The following FMN2 variants were observed in gnomAD, a reference collection of about 807,000 sequenced individuals.
FMN2 encodes formin 2, also known as formin-2.
A neutral mutation model predicts 142.3 loss-of-function variants in FMN2; 51 were observed. The ratio of observed to expected loss-of-function variants is 0.36; its 90% CI spans 0.29 to 0.45. The LOEUF (loss-of-function observed/expected upper bound fraction) is 0.45, where lower values mean the gene tolerates loss of function less well. FMN2 is among the 20% of genes least tolerant of loss of function. FMN2 has a pLI of 1.00. For missense variants in FMN2, 1,936 were observed against 2,122.8 expected, an observed-to-expected ratio of 0.91 and a Z score of 1.73; for synonymous variants, 882 against 869.8, an observed-to-expected ratio of 1.01 and a Z score of -0.25.
chr1:240,114,146 T>C (rs1389789485), intron 1 of FMN2, among the ~76,000 whole-genome samples: 7 of 152,296 alleles, frequency 4.6e-5, no homozygotes, highest in African/African-American at 1.7e-4. Context: ...CACCTACTTT[T>C]TTGTGAAATA....
At chr1:240,409,075 A>G (rs1368619618) in intron 15 of FMN2, among the ~76,000 whole-genome samples, 1 of 152,132 alleles carries the variant, frequency 6.6e-6, no homozygotes, top group Non-Finnish European at 1.5e-5. Context: ...CCGGTGCCCT[A>G]TTTAAGTGGC....
In FMN2 at chr1:240,315,949, C is replaced by T. The variant is rs562549372; in HGVS notation, c.4216-13127C>T. ...GCTGGGAAGTCCCCAGTCCAACACA[C>T]AAAAGGCCATTTCATGCATAACATA... On this transcript the variant is annotated intron_variant, in intron 8 of 17. Transcript: ENST00000319653. 4.1e-4 allele frequency among the ~76,000 whole-genome samples: 63 copies of T among 152,242 alleles called. No homozygotes were observed. In the South Asian group the frequency reaches 0.012, roughly 29 times the overall value.
At chr1:240,299,594 G>A (rs994591561) in intron 8 of FMN2, among the ~76,000 whole-genome samples, 3 of 152,000 alleles carry the variant, frequency 2.0e-5, no homozygotes, top group African/African-American at 4.8e-5. Flanking sequence ...AAATTCAAAC[G>A]GTGACATTCT....
chr1:240,132,692 C>T (rs2103235983), intron 2 of FMN2, among the ~76,000 whole-genome samples: 1 of 152,146 alleles, frequency 6.6e-6, no homozygotes, highest in East Asian at 1.9e-4. Context: ...TGCTGATACC[C>T]CTGGGTGATA....
chr1:240,182,477 GAAAC>G (rs1417497979), intron 3 of FMN2, among the ~76,000 whole-genome samples: 3 of 152,166 alleles, frequency 2.0e-5, no homozygotes, highest in African/African-American at 7.2e-5. Flanking sequence ...AGAAAAGAAA[GAAAC>G]AAAGAACCAT....
intron 2 of FMN2, among the ~76,000 whole-genome samples, chr1:240,141,166 T>A (rs1411481713): frequency 6.6e-6 from 1 of 152,144 alleles, no homozygotes; most frequent in African/African-American, 2.4e-5. Flanking sequence ...GACTTCTGGG[T>A]CAGGTGAATG....
intron 6 of FMN2, among the ~76,000 whole-genome samples, chr1:240,255,182 C>T (rs1558395802): frequency 6.6e-6 from 1 of 152,306 alleles, no homozygotes; most frequent in East Asian, 1.9e-4. Context: ...GCTGAGCAGA[C>T]TGCCCCACTT....
intron 15 of FMN2, among the ~76,000 whole-genome samples, chr1:240,434,556 T>G (rs1048421690): frequency 1.9e-4 from 7 of 36,808 alleles, no homozygotes; most frequent in East Asian, 5.9e-3. Flanking sequence ...TTGTTTTTTG[T>G]TTTTTTTTGT....
chr1:240,472,384 C>T lies in FMN2; in HGVS notation c.5073C>T (p.Ala1691=), dbSNP rs757125774. The T allele has an allele frequency of 4.1e-5, 66 of 1,611,136 alleles. No individual in the cohort carries two copies. Among genetic ancestry groups the T allele is most frequent in the Middle Eastern group, 3.3e-4 (2 of 6,072 alleles). Residue 1691 remains alanine (A), a synonymous_variant, in exon 17 of 18, where the codon GCC becomes GCT. Coordinates refer to ENST00000319653, the MANE Select transcript of FMN2 (RefSeq NM_020066.5). The part of the protein sequence containing the change: ...KLLLQERVKE[A]EEVCRQKKGK... ...TTCTCCCCATCAGAGTAAAAGAAGC[C>T]GAAGAGGTGTGTAGACAGAAGAAAG...
At chr1:240,133,712 T>C (rs1236916399) in intron 2 of FMN2, among the ~76,000 whole-genome samples, 1 of 152,224 alleles carries the variant, frequency 6.6e-6, no homozygotes, top group Non-Finnish European at 1.5e-5. Context: ...TAGCCTCCAC[T>C]CTTTCTCATA....
intron 14 of FMN2, among the ~76,000 whole-genome samples, chr1:240,385,917 C>A (rs1572254645): frequency 1.3e-5 from 2 of 152,040 alleles, no homozygotes; most frequent in East Asian, 1.9e-4. Flanking sequence ...GTTGAAATAA[C>A]CCTCAGTATT....
chr1:240,348,061 C>T (rs907913146), intron 13 of FMN2, among the ~76,000 whole-genome samples: 4 of 152,070 alleles, frequency 2.6e-5, no homozygotes, highest in Admixed American at 6.6e-5. Context: ...GGCATATATA[C>T]GCAGTAATTG....
At chr1:240,459,682 A>G (rs561332437) in intron 16 of FMN2, among the ~76,000 whole-genome samples, 1 of 126,084 alleles carries the variant, frequency 7.9e-6, no homozygotes, top group East Asian at 2.6e-4. Context: ...GTGCCACTGC[A>G]CTCCAGCCTG....
chr1:240,367,569 C>A (rs915701636), intron 14 of FMN2, among the ~76,000 whole-genome samples: 1 of 151,850 alleles, frequency 6.6e-6, no homozygotes, highest in African/African-American at 2.4e-5. Context: ...GAGATCGAGA[C>A]CATCCTGGCT....
intron 7 of FMN2, among the ~76,000 whole-genome samples, chr1:240,278,386 C>T (rs1307705991): frequency 1.3e-5 from 2 of 152,086 alleles, no homozygotes; most frequent in East Asian, 1.9e-4. Context: ...GTGAAAGGCT[C>T]GAAGTGTTGA....
At chr1:240,396,125 A>G (rs1209860196) in intron 15 of FMN2, among the ~76,000 whole-genome samples, 1 of 152,244 alleles carries the variant, frequency 6.6e-6, no homozygotes, top group African/African-American at 2.4e-5. Flanking sequence ...ATTTGCTAAT[A>G]AAGTATGCAT....
At chr1:240,404,477 G>A (rs1674085822) in intron 15 of FMN2, among the ~76,000 whole-genome samples, 1 of 152,148 alleles carries the variant, frequency 6.6e-6, no homozygotes, top group Non-Finnish European at 1.5e-5. Context: ...CCCAAACAAT[G>A]ACATCATTCC....
intron 8 of FMN2, among the ~76,000 whole-genome samples, chr1:240,322,402 T>C (rs755027566): frequency 2.8e-4 from 42 of 152,272 alleles, no homozygotes; most frequent in African/African-American, 2.4e-4. Context: ...ACTAATTCAG[T>C]GCTTGCTGAA....
intron 2 of FMN2, among the ~76,000 whole-genome samples, chr1:240,132,721 T>C (rs1418048): frequency 0.36 from 54,429 of 151,242 alleles, 9,807 homozygotes; most frequent in Middle Eastern, 0.4. Flanking sequence ...GGAAGTGGAG[T>C]GGGTTACGCT....
Sources: allele counts gnomAD v4.1 joint callset (sites outside exome capture counted in the v4.1 genomes callset), GRCh38; gene constraint gnomAD v4.1.1; transcripts MANE v1.5; gene names NCBI Gene and HGNC (gene_info 2026-07-23, HGNC 2026-07-21).